SLC6A4: variants seen among roughly 807,000 people sequenced by gnomAD.
The protein encoded by SLC6A4 is solute carrier family 6 member 4.
SLC6A4 carries 22 observed loss-of-function variants against 73.4 expected under a neutral mutation model. That is an observed-to-expected ratio of 0.30 (90% CI 0.21 to 0.43). The LOEUF is 0.43. Among genes scored for constraint, SLC6A4 ranks in the 20% least tolerant of loss-of-function variants. The probability of loss-of-function intolerance (pLI) is 1.00; values close to 1 mark genes in which losing one functional copy is unlikely to be tolerated. For synonymous variants in SLC6A4, 270 were observed against 315.5 expected (o/e 0.86, Z 1.53); for missense variants, 593 against 808.5 (o/e 0.73, Z 3.23).
intron 13 of SLC6A4, 64 bp downstream of exon 13, chr17:30,207,667 AT>A: frequency 8.9e-7 from 1 of 1,119,792 alleles, no homozygotes; most frequent in Non-Finnish European, 1.4e-6. Flanking sequence ...ATTACAATTC[AT>A]TTTTTATGTG....
chr17:30,224,156 G>A (rs1906857485), intron 1 of SLC6A4, among the ~76,000 whole-genome samples: 1 of 152,034 alleles, frequency 6.6e-6, no homozygotes, highest in East Asian at 1.9e-4. Flanking sequence ...TTCCCTGTGC[G>A]GCTGGAGGGC....
intron 13 of SLC6A4, among the ~76,000 whole-genome samples, chr17:30,205,218 T>C (rs1906154597): frequency 6.6e-6 from 1 of 152,168 alleles, no homozygotes; most frequent in Non-Finnish European, 1.5e-5. Context: ...ATATTTATCC[T>C]GAGTCCTGAG....
At chr17:30,219,841 G>A (rs1455096033) in intron 3 of SLC6A4, among the ~76,000 whole-genome samples, 1 of 152,176 alleles carries the variant, frequency 6.6e-6, no homozygotes, top group Non-Finnish European at 1.5e-5. Context: ...CCAGAAACCT[G>A]AGGTCTGTGC....
In SLC6A4 at chr17:30,211,327, C is replaced by A; in HGVS notation, c.1302G>T (p.Leu434=). 1 of 1,609,018 alleles carries A rather than the reference C, an allele frequency of 6.2e-7. No homozygotes were observed. The highest frequency in any genetic ancestry group is 1.1e-5 in the South Asian group (1 of 90,958). The part of the protein sequence containing the change: ...AIIFFLMLIT[L]GLDSTFAGLE... ...ATTTCCTCACCGTGCTGTCCAAGCC[C>A]AGCGTGATTAACATCAGAAAGAAGA... Residue 434 remains leucine (L), a synonymous_variant, in exon 10 of 15, where the codon CTG becomes CTT. Coordinates refer to ENST00000650711, the MANE Select transcript of SLC6A4 (RefSeq NM_001045.6). The surrounding 1 kb of genome is among the most constrained non-coding windows in gnomAD (Gnocchi z 4.0).
intron 1 of SLC6A4, among the ~76,000 whole-genome samples, chr17:30,232,510 G>T (rs1420261965): frequency 6.6e-6 from 1 of 152,180 alleles, no homozygotes; most frequent in African/African-American, 2.4e-5. Context: ...GGGGCTTCTG[G>T]GATTAATGGA....
chr17:30,221,998 G>C lies in SLC6A4; in HGVS notation c.-40C>G. On this transcript the variant is annotated 5_prime_UTR_variant, in exon 3 of 15. Transcript: ENST00000650711. ...AATGACACTGATGTCCATCTGCCAA[G>C]GATCCCAATTGATCTCTGGGTGCTT... 1 of 1,613,442 alleles carries C rather than the reference G, an allele frequency of 6.2e-7. No homozygotes were observed. The highest frequency in any genetic ancestry group is 8.5e-7 in the Non-Finnish European group (1 of 1,179,882).
intron 8 of SLC6A4, among the ~76,000 whole-genome samples, chr17:30,215,388 T>C (rs1176301776): frequency 1.3e-5 from 2 of 152,206 alleles, no homozygotes; most frequent in South Asian, 2.1e-4. Context: ...CCGAAGGGCA[T>C]GGGGCCCCTC....
chr17:30,224,800 G>C lies in SLC6A4; in HGVS notation c.-220-1885C>G, dbSNP rs533170578. Among the ~76,000 whole-genome samples the C allele has an allele frequency of 4.6e-5, 7 of 152,252 alleles. No homozygotes were observed. The South Asian group carries it at 1.5e-3, about 32-fold the overall frequency. On this transcript the variant is annotated intron_variant, in intron 1 of 14. Coordinates refer to ENST00000650711, the MANE Select transcript of SLC6A4 (RefSeq NM_001045.6). ...CTTCCTTGAGGCGTCCTGCAGAGAG[G>C]GTAGAAAATGTGTGCAGGTAGGTAG...
In SLC6A4 at chr17:30,216,229, A is replaced by C. The variant is rs1231285505; in HGVS notation, c.838-13T>G. 1.7e-6 allele frequency: 2 copies of C among 1,168,582 alleles called. No individual in the cohort carries two copies. Among genetic ancestry groups the C allele is most frequent in the Non-Finnish European group, 1.2e-6 (1 of 852,960 alleles). The allele number at this position is 1,168,582 out of a possible 1,614,324, so 72.4% of individuals were successfully genotyped here. A position where few individuals can be genotyped will look rare whatever the true frequency, so the allele number is the denominator to read the frequency against. ...TCACCCACACCACCTGTAAGGAAGA[A>C]GGGTTATCACCATGCTGTTCCAGGG... On this transcript the variant is annotated splice_polypyrimidine_tract_variant and intron_variant, in intron 6 of 14. Coordinates refer to ENST00000650711, the MANE Select transcript of SLC6A4 (RefSeq NM_001045.6).
chr17:30,218,406 C>T lies in SLC6A4; in HGVS notation c.479-69G>A, dbSNP rs192818135. On this transcript the variant is annotated intron_variant, in intron 4 of 14. Transcript: ENST00000650711. ...GTGGCCCAACGGCAAAAGGCTGAAA[C>T]GGGGCACTGGAGAGCCCCGCAGCCC... The T allele has an allele frequency of 1.5e-4, 184 of 1,262,272 alleles. No individual in the cohort carries two copies. The East Asian group carries it at 4.0e-3, about 28-fold the overall frequency. 78.2% of individuals were successfully genotyped at this position (1,262,272 alleles called of 1,614,324 possible). A position where few individuals can be genotyped will look rare whatever the true frequency, so the allele number is the denominator to read the frequency against.
chr17:30,211,793 C>T lies in SLC6A4; in HGVS notation c.1205-369G>A, dbSNP rs979647143. On this transcript the variant is annotated intron_variant, in intron 9 of 14. Transcript: ENST00000650711. The surrounding 1 kb of genome is among the most constrained non-coding windows in gnomAD (Gnocchi z 4.0). ...GGATTGATATTTCTAAAGTCCATGA[C>T]AGTTAGCCCCCTCTGATGTCTTCAG... Among the ~76,000 whole-genome samples the T allele has an allele frequency of 3.3e-5, 5 of 152,164 alleles. No individual in the cohort carries two copies. The highest frequency in any genetic ancestry group is 2.0e-4 in the Admixed American group (3 of 15,284).
chr17:30,218,311 C>A lies in SLC6A4; in HGVS notation c.505G>T (p.Ala169Ser). ...KGIGYAICII[A>S]FYIASYYNTI... ...TTGTAGTAGGAAGCAATGTAAAAGG[C>A]AATGATGCAGATGGCATAACCAATC... Residue 169 changes from alanine (A) to serine (S), a missense_variant, in exon 5 of 15, where the codon GCC (alanine) becomes TCC (serine). Coordinates refer to ENST00000650711, the MANE Select transcript of SLC6A4 (RefSeq NM_001045.6). 4 of 1,614,022 alleles carry A rather than the reference C, an allele frequency of 2.5e-6. No individual in the cohort carries two copies. The highest frequency in any genetic ancestry group is 3.4e-6 in the Non-Finnish European group (4 of 1,179,950).
At chr17:30,212,901 A>C in intron 8 of SLC6A4, 34 bp from the exon 9 acceptor site, 1 of 1,612,264 alleles carries the variant, frequency 6.2e-7, no homozygotes, top group Non-Finnish European at 8.5e-7. Context: ...CGCCTGAGAC[A>C]GTTCCAAGAT....
At chr17:30,227,339 A>T in intron 1 of SLC6A4, among the ~76,000 whole-genome samples, 1 of 152,136 alleles carries the variant, frequency 6.6e-6, no homozygotes, top group South Asian at 2.1e-4. Context: ...TGAAGAGAAT[A>T]GAGAAAATCT....
In SLC6A4 at chr17:30,209,135, C is replaced by T. The variant is rs770508145; in HGVS notation, c.1549+8G>A. 3.8e-6 allele frequency: 6 copies of T among 1,599,824 alleles called. No individual in the cohort carries two copies. Among genetic ancestry groups the T allele is most frequent in the African/African-American group, 2.7e-5 (2 of 74,732 alleles). On this transcript the variant is annotated splice_region_variant and intron_variant, in intron 12 of 14. Coordinates refer to ENST00000650711, the MANE Select transcript of SLC6A4 (RefSeq NM_001045.6). The stretch of plus-strand genomic sequence containing the variant: ...AAGGGACCCAGCTGGCTGAAGGAAG[C>T]GTCTTACCATAGAACCAAGACACAG...
chr17:30,209,089 C>A (rs1340829701), intron 12 of SLC6A4, 54 bp downstream of exon 12: 4 of 1,255,706 alleles, frequency 3.2e-6, no homozygotes, highest in Admixed American at 3.6e-5. Flanking sequence ...CCCTTTGCTA[C>A]TGTGCTGGCT....
At chr17:30,214,495 C>G (rs1219117515) in intron 8 of SLC6A4, among the ~76,000 whole-genome samples, 1 of 150,270 alleles carries the variant, frequency 6.7e-6, no homozygotes, top group East Asian at 1.9e-4. Context: ...ATGTGATCAT[C>G]ATACTTTTTG....
intron 1 of SLC6A4, among the ~76,000 whole-genome samples, chr17:30,232,999 T>C (rs1352229704): frequency 6.6e-6 from 1 of 152,212 alleles, no homozygotes; most frequent in African/African-American, 2.4e-5. Context: ...ATGCCAGGTT[T>C]CTGTGAAAGG....
At position 30,197,231 on chromosome 17, in the gene SLC6A4, G is replaced by A. The variant is rs928143174; in HGVS notation, c.*1225C>T. The A allele has an allele frequency of 1.3e-5, 2 of 152,320 alleles. No homozygotes were observed. The highest frequency in any genetic ancestry group is 4.8e-5 in the African/African-American group (2 of 41,436). The allele number at this position is 152,320 out of a possible 1,614,324, so 9.4% of individuals were successfully genotyped here. On this transcript the variant is annotated 3_prime_UTR_variant, in exon 15 of 15. Coordinates refer to ENST00000650711, the MANE Select transcript of SLC6A4 (RefSeq NM_001045.6). The stretch of plus-strand genomic sequence containing the variant: ...TACTTAGCTGACCATTTCCCAAGCA[G>A]CCTTACTTAGACTCAACCTTAAAAA...
Sources: gnomAD v4.1 joint callset for allele counts (sites outside exome capture counted in the v4.1 genomes callset) on GRCh38, gnomAD v4.1.1 for gene constraint, Gnocchi (gnomAD v3.1) non-coding constraint, MANE v1.5 for transcripts, NCBI Gene and HGNC (gene_info 2026-07-23, HGNC 2026-07-21) for gene names.